Variants in PKD1L3 observed in about 807,000 individuals in gnomAD.
PKD1L3 encodes polycystin 1 like 3, transient receptor potential channel interacting.
In PKD1L3, 239 loss-of-function variants were observed where a neutral mutation model predicts 184.1. The observed-to-expected ratio is 1.30, with a 90% CI of 1.17 to 1.45. The LOEUF (loss-of-function observed/expected upper bound fraction) is 1.45. PKD1L3 is among the 40% of genes most tolerant of loss of function. The pLI, the probability that PKD1L3 is intolerant of heterozygous loss-of-function variation, is 0.00. For missense variants in PKD1L3, 2,660 were observed against 2,067.2 expected (o/e 1.29, Z -5.56); for synonymous variants, 996 against 778.8 (o/e 1.28, Z -4.64).
At chr16:71,978,609 A>G (rs2113216) in intron 9 of PKD1L3, among the ~76,000 whole-genome samples, 112,921 of 148,836 alleles carry the variant, frequency 0.76, 43,094 homozygotes, top group South Asian at 0.86. Context: ...GCACAACCTC[A>G]GCTCACTGCA....
At chr16:71,992,110 C>T (rs1025354406) in intron 3 of PKD1L3, among the ~76,000 whole-genome samples, 4 of 152,076 alleles carry the variant, frequency 2.6e-5, no homozygotes, top group South Asian at 2.1e-4. Flanking sequence ...TGTGAGCCAC[C>T]GTATTACACC....
intron 25 of PKD1L3, among the ~76,000 whole-genome samples, chr16:71,935,792 A>G (rs2038153807): frequency 6.6e-6 from 1 of 152,166 alleles, no homozygotes; most frequent in African/African-American, 2.4e-5. Flanking sequence ...TCAATAATAC[A>G]AAAGTTTCTT....
Position 71,970,090 on chromosome 16 carries a change from T to C in PKD1L3, c.1969A>G (p.Thr657Ala). The stretch of plus-strand genomic sequence containing the variant: ...CAGAGACACTGTGTCCTCAGAATTG[T>C]GCTCTGTGGCCCAACCTGGAATTAG... ...SAGCQVGPQS[T>A]ILRTQCLCNH... is the part of the protein sequence containing the mutation. The change falls in exon 13 of 30, where the codon ACA (threonine) becomes GCA (alanine). Residue 657 changes from threonine (T) to alanine (A), a missense_variant. Thr to Ala is a moderately conservative substitution (Grantham distance 58). Transcript: ENST00000620267. The C allele has an allele frequency of 6.4e-7, 1 of 1,551,658 alleles. No homozygotes were observed. The highest frequency in any genetic ancestry group is 8.7e-7 in the Non-Finnish European group (1 of 1,146,964).
chr16:71,997,340 A>G lies in PKD1L3; in HGVS notation c.418+932T>C, dbSNP rs535139905. ...GGTGGCTCATTCCTGTAATCCTAGC[A>G]CTTTGAGAGGCCGAGGTGGGAGGAT... On this transcript the variant is annotated intron_variant, in intron 2 of 29. Coordinates refer to ENST00000620267, the MANE Select transcript of PKD1L3 (RefSeq NM_181536.2). Among the ~76,000 whole-genome samples the G allele has an allele frequency of 5.3e-5, 8 of 151,196 alleles. No individual in the cohort carries two copies. In the South Asian group the frequency reaches 1.7e-3, roughly 32 times the overall value.
At position 71,992,334 on chromosome 16, in the gene PKD1L3, G is replaced by C. The variant is rs182901086; in HGVS notation, c.535+882C>G. Among the ~76,000 whole-genome samples the C allele has an allele frequency of 8.9e-4, 135 of 152,284 alleles. 2 individuals are homozygous for C. Among genetic ancestry groups the C allele is most frequent in the Middle Eastern group, 6.8e-3 (2 of 294 alleles). ...GACAATATAAACTTAAAGGATATAG[G>C]TGAAATAGTCAAATGTCTATTTAAT... is the stretch of plus-strand genomic sequence containing the variant. On this transcript the variant is annotated intron_variant, in intron 3 of 29. Coordinates refer to ENST00000620267, the MANE Select transcript of PKD1L3 (RefSeq NM_181536.2).
chr16:71,944,389 G>A (rs143775609), intron 22 of PKD1L3, among the ~76,000 whole-genome samples: 8 of 152,152 alleles, frequency 5.3e-5, no homozygotes, highest in Non-Finnish European at 1.2e-4. Flanking sequence ...CAGTAAAAAT[G>A]AGTTACTAGG....
intron 22 of PKD1L3, 32 bp from the exon 23 acceptor site, chr16:71,944,202 T>A: frequency 6.6e-7 from 1 of 1,523,922 alleles, no homozygotes; most frequent in African/African-American, 1.4e-5. Context: ...ACCAAAGAAA[T>A]GTTATATTTC....
chr16:71,984,415 C>T (rs1225372942), intron 5 of PKD1L3, among the ~76,000 whole-genome samples: 1 of 152,152 alleles, frequency 6.6e-6, no homozygotes, highest in South Asian at 2.1e-4. Context: ...GCAAATGAGT[C>T]TGGAAATAAG....
intron 18 of PKD1L3, among the ~76,000 whole-genome samples, chr16:71,952,344 C>G (rs967228944): frequency 2.0e-5 from 3 of 151,314 alleles, no homozygotes; most frequent in African/African-American, 7.3e-5. Context: ...TCCTGAGTAG[C>G]TGGGACTACA....
At chr16:71,997,351 C>T (rs984627424) in intron 2 of PKD1L3, among the ~76,000 whole-genome samples, 1 of 151,758 alleles carries the variant, frequency 6.6e-6, no homozygotes, top group African/African-American at 2.4e-5. Flanking sequence ...CTTTGAGAGG[C>T]CGAGGTGGGA....
At chr16:71,950,093 A>C in intron 20 of PKD1L3, 25 bp downstream of exon 20, 1 of 1,549,422 alleles carries the variant, frequency 6.5e-7, no homozygotes, top group Non-Finnish European at 8.7e-7. Flanking sequence ...ACAGGGGATA[A>C]AGAAGGCTTG....
At chr16:71,972,966 C>A (rs1240928270) in intron 12 of PKD1L3, among the ~76,000 whole-genome samples, 1 of 152,202 alleles carries the variant, frequency 6.6e-6, no homozygotes. Context: ...ATTTCTTGAG[C>A]TATGAAAGTT....
intron 5 of PKD1L3, among the ~76,000 whole-genome samples, chr16:71,985,194 GAAAAACAAAAAC>G (rs953308084): frequency 6.6e-6 from 1 of 151,874 alleles, no homozygotes; most frequent in African/African-American, 2.4e-5. Context: ...GGATTTCCAA[GAAAAACAAAAAC>G]AAAAACAAAA....
At position 71,954,141 on chromosome 16, in the gene PKD1L3, T is replaced by G. The variant is rs1374921700; in HGVS notation, c.2773A>C (p.Lys925Gln). 1 of 1,549,690 alleles carries G rather than the reference T, an allele frequency of 6.5e-7. No homozygotes were observed. Residue 925 changes from lysine to glutamine, a missense_variant, in exon 17 of 30, where the codon AAG (lysine) becomes CAG (glutamine). Physicochemically the swap from Lys to Gln is moderately conservative, Grantham distance 53 (BLOSUM62 1). Transcript: ENST00000620267. The stretch of plus-strand genomic sequence containing the variant: ...CTCTTGGCAGTGGTGCTGTTTATCT[T>G]CCAGAACATAACATTGATGACCATG... ...CNMVINVMFW[K>Q]INSTTAKRDE...
chr16:71,976,919 A>T (rs1405855506), intron 11 of PKD1L3, among the ~76,000 whole-genome samples: 6 of 152,006 alleles, frequency 3.9e-5, no homozygotes, highest in Non-Finnish European at 7.4e-5. Context: ...ATTTTTTTGC[A>T]TTTTTAGTAG....
chr16:71,996,696 C>A (rs1051481798), intron 2 of PKD1L3, among the ~76,000 whole-genome samples: 1 of 152,104 alleles, frequency 6.6e-6, no homozygotes, highest in African/African-American at 2.4e-5. Flanking sequence ...CCATAGAGTA[C>A]GTAACATTTT....
chr16:71,944,997 AT>A (rs1438321865), intron 22 of PKD1L3, among the ~76,000 whole-genome samples: 1 of 151,628 alleles, frequency 6.6e-6, no homozygotes, highest in Non-Finnish European at 1.5e-5. Flanking sequence ...AAAGAAAAAA[AT>A]AAAGCAGAAG....
At chr16:71,938,816 T>C (rs535004619) in intron 24 of PKD1L3, among the ~76,000 whole-genome samples, 1 of 152,334 alleles carries the variant, frequency 6.6e-6, no homozygotes, top group South Asian at 2.1e-4. Context: ...TGTCACTCAA[T>C]GAAGCTCCTC....
intron 9 of PKD1L3, among the ~76,000 whole-genome samples, chr16:71,979,431 G>A (rs1240841911): frequency 6.6e-6 from 1 of 151,642 alleles, no homozygotes; most frequent in Non-Finnish European, 1.5e-5. Flanking sequence ...GTGACAGATT[G>A]AGACTCCATC....
Sources: gnomAD v4.1 joint callset for allele counts (sites outside exome capture counted in the v4.1 genomes callset) on GRCh38, gnomAD v4.1.1 for gene constraint, MANE v1.5 for transcripts, NCBI Gene and HGNC (gene_info 2026-07-23, HGNC 2026-07-21) for gene names.